ZNF398: variants seen among roughly 807,000 people sequenced by gnomAD.
The protein encoded by ZNF398 is zinc finger protein 398, also known as zinc finger DNA binding protein ZER6.
In ZNF398, 18 loss-of-function variants were observed where a neutral mutation model predicts 41.9. The observed-to-expected ratio is 0.43, with a 90% CI of 0.30 to 0.64. ZNF398 has a LOEUF of 0.64. Among genes scored for constraint, ZNF398 ranks in the 30% least tolerant of loss-of-function variants. The pLI is 0.14. For missense variants in ZNF398, 669 were observed against 822.8 expected (o/e 0.81, Z 2.29); for synonymous variants, 260 against 308.8 (o/e 0.84, Z 1.66).
intron 2 of ZNF398, among the ~76,000 whole-genome samples, chr7:149,135,389 C>CAA (rs777888671): frequency 2.6e-3 from 156 of 61,002 alleles, no homozygotes; most frequent in Non-Finnish European, 3.3e-3. Flanking sequence ...GACTCTGTCT[C>CAA]AAAAAAAAAA....
rs541887403 is a variant in ZNF398, at chr7:149,168,499, A to G, written c.661+1569A>G. Among the ~76,000 whole-genome samples the G allele has an allele frequency of 2.0e-5, 3 of 152,260 alleles. No homozygotes were observed. The South Asian group carries it at 6.2e-4, about 32-fold the overall frequency. On this transcript the variant is annotated intron_variant, in intron 4 of 5. Transcript: ENST00000475153. ...TATTTGTTTTTTTCTTTTCAGGTAA[A>G]TTTTACATATAATGAAATTTCAAGT...
At chr7:149,176,226 C>A (rs903028041) in intron 4 of ZNF398, among the ~76,000 whole-genome samples, 1 of 151,892 alleles carries the variant, frequency 6.6e-6, no homozygotes, top group African/African-American at 2.4e-5. Flanking sequence ...GCCTGTAGTC[C>A]CAGCTACTCG....
chr7:149,135,529 G>C (rs1481255403), intron 2 of ZNF398, among the ~76,000 whole-genome samples: 3 of 151,948 alleles, frequency 2.0e-5, no homozygotes, highest in African/African-American at 7.2e-5. Flanking sequence ...GCAGGGGTGA[G>C]GGATAGAAGA....
intron 1 of ZNF398, among the ~76,000 whole-genome samples, chr7:149,150,674 G>T (rs1827087523): frequency 6.6e-6 from 1 of 152,026 alleles, no homozygotes. Context: ...ACTTTGACAA[G>T]ATCTCCAGGT....
chr7:149,151,137 T>C (rs1227676338), intron 1 of ZNF398: 6 of 818,072 alleles, frequency 7.3e-6, no homozygotes, highest in Non-Finnish European at 9.3e-6. Flanking sequence ...CAAGTCAGTG[T>C]TGAGATCCCC....
At position 149,147,829 on chromosome 7, in the gene ZNF398, G is replaced by A; in HGVS notation, c.24+63G>A. On this transcript the variant is annotated intron_variant, in intron 1 of 5. Transcript: ENST00000475153. This position sits in a 1 kb window ranked among gnomAD's most constrained non-coding sequence, Gnocchi z 5.6. ...GACCCAGACCCCGAGGGAGGAAGGC[G>A]GGCGGGCAGGGAGCTGCCAGGCATA... 2.3e-6 allele frequency: 3 copies of A among 1,319,056 alleles called. No homozygotes were observed. Among genetic ancestry groups the A allele is most frequent in the Non-Finnish European group, 2.9e-6 (3 of 1,030,176 alleles). The allele number at this position is 1,319,056 out of a possible 1,614,324, so 81.7% of individuals were successfully genotyped here.
chr7:149,165,244 A>G (rs1162211379), intron 2 of ZNF398, among the ~76,000 whole-genome samples: 1 of 152,232 alleles, frequency 6.6e-6, no homozygotes, highest in African/African-American at 2.4e-5. Context: ...GAGACATTAA[A>G]ACAGGAATGC....
chr7:149,160,919 TGA>T (rs1269767618), intron 2 of ZNF398, among the ~76,000 whole-genome samples: 1 of 151,880 alleles, frequency 6.6e-6, no homozygotes, highest in Non-Finnish European at 1.5e-5. Context: ...ATTTTTAGAC[TGA>T]GGGGGCTAGA....
chr7:149,178,283 C>T (rs1162605339), intron 5 of ZNF398, among the ~76,000 whole-genome samples: 1 of 146,808 alleles, frequency 6.8e-6, no homozygotes, highest in Non-Finnish European at 1.5e-5. Flanking sequence ...CAGAGCGAGA[C>T]TCCGTCTCAA....
At chr7:149,171,286 CTT>C (rs1340504552) in intron 4 of ZNF398, among the ~76,000 whole-genome samples, 1 of 151,808 alleles carries the variant, frequency 6.6e-6, no homozygotes. Context: ...TGTAATAACA[CTT>C]AGTGTAAAAC....
At position 149,179,464 on chromosome 7, in the gene ZNF398, G is replaced by A. The variant is rs781631013; in HGVS notation, c.1592G>A (p.Arg531Gln). The change falls in exon 6 of 6, where the codon CGG becomes CAG. Residue 531 changes from arginine (R) to glutamine (Q), a missense_variant. Arg to Gln is a conservative substitution (Grantham distance 43). Transcript: ENST00000475153. The surrounding 1 kb of genome is among the most constrained non-coding windows in gnomAD (Gnocchi z 6.1). ...AAGGAGCACCTGCTGAACCACCGGC[G>A]GCTGCACACAGGCGAGCGGCCCTTC... ...MRKEHLLNHR[R>Q]LHTGERPFSC... 3.1e-6 allele frequency: 5 copies of A among 1,614,086 alleles called. No homozygotes were observed. The highest frequency in any genetic ancestry group is 4.2e-6 in the Non-Finnish European group (5 of 1,180,040).
At position 149,166,140 on chromosome 7, in the gene ZNF398, A is replaced by T. The variant is rs1795221292; in HGVS notation, c.421-18A>T. On this transcript the variant is annotated intron_variant, in intron 2 of 5. Coordinates refer to ENST00000475153, the MANE Select transcript of ZNF398 (RefSeq NM_170686.3). Reference sequence around the variant, plus strand: ...GAATTATAATGGAAGGGACTAACCCATGTGATTGTAATTTTAGGTGCCTGT... The same window carrying T: ...GAATTATAATGGAAGGGACTAACCCTTGTGATTGTAATTTTAGGTGCCTGT... 2 of 1,612,632 alleles carry T rather than the reference A, an allele frequency of 1.2e-6. No homozygotes were observed. The highest frequency in any genetic ancestry group is 1.7e-6 in the Non-Finnish European group (2 of 1,179,288).
At chr7:149,137,049 C>T (rs143767263) in intron 2 of ZNF398, among the ~76,000 whole-genome samples, 115 of 151,762 alleles carry the variant, frequency 7.6e-4, no homozygotes, top group African/African-American at 2.5e-3. Flanking sequence ...GTATTTTTAG[C>T]AGAGACGGGG....
chr7:149,126,445 C>T, exon 1 of ZNF398: 1 of 697,498 alleles, frequency 1.4e-6, no homozygotes, highest in Non-Finnish European at 2.2e-6. Context: ...CCCGGGCACC[C>T]TCCGTGCGGG....
At position 149,179,729 on chromosome 7, in the gene ZNF398, C is replaced by T. The variant is rs1795551494; in HGVS notation, c.1857C>T (p.Gly619=). Residue 619 remains glycine, a synonymous_variant, in exon 6 of 6, where the codon GGC becomes GGT. Transcript: ENST00000475153. The surrounding 1 kb of genome is among the most constrained non-coding windows in gnomAD (Gnocchi z 6.1). ...GPLITGLETS[G]LGVNTEGLET... ...TCATAACTGGGCTTGAAACTTCTGG[C>T]CTGGGTGTCAACACTGAAGGTCTAG... 2 of 1,613,650 alleles carry T rather than the reference C, an allele frequency of 1.2e-6. No homozygotes were observed. Among genetic ancestry groups the T allele is most frequent in the Non-Finnish European group, 8.5e-7 (1 of 1,179,728 alleles).
At chr7:149,163,514 A>C (rs1193309058) in intron 2 of ZNF398, among the ~76,000 whole-genome samples, 1 of 152,054 alleles carries the variant, frequency 6.6e-6, no homozygotes, top group Non-Finnish European at 1.5e-5. Context: ...TTGGGACTAC[A>C]GGCCTGTGCC....
chr7:149,152,106 C>T lies in ZNF398; in HGVS notation c.25-1839C>T, dbSNP rs1167623664. On this transcript the variant is annotated intron_variant, in intron 1 of 5. Transcript: ENST00000475153. ...GCACGCTCCTGTAGTCCCAGCTACTCGGGAGACTGAGGCAGGAGAATCGCT... is the reference window on the plus strand; with the variant it reads ...GCACGCTCCTGTAGTCCCAGCTACTTGGGAGACTGAGGCAGGAGAATCGCT... Among the ~76,000 whole-genome samples the T allele has an allele frequency of 4.6e-5, 7 of 151,610 alleles. No homozygotes were observed. In the East Asian group the frequency reaches 7.8e-4, roughly 17 times the overall value.
At position 149,138,968 on chromosome 7, in the gene ZNF398, G is replaced by T. The variant is rs149858316; in HGVS notation, c.-490+10024G>T. Among the ~76,000 whole-genome samples the T allele has an allele frequency of 3.0e-3, 441 of 147,816 alleles. 1 individual carries two copies. Among genetic ancestry groups the T allele is most frequent in the African/African-American group, 0.01 (410 of 40,030 alleles). On this transcript the variant is annotated intron_variant, in intron 2 of 6. Transcript: ENST00000426851. ...TGTTCTGTCACCAGGCTGGAGTACA[G>T]TGACGCATCTTGACTCACTGCAACC...
In ZNF398 at chr7:149,179,528, C is replaced by T; in HGVS notation, c.1656C>T (p.His552=). The T allele has an allele frequency of 6.2e-7, 1 of 1,614,190 alleles. No individual in the cohort carries two copies. Among genetic ancestry groups the T allele is most frequent in the Non-Finnish European group, 8.5e-7 (1 of 1,180,034 alleles). ...PHCGKSFIRK[H]HLMKHQRIHT... is the part of the protein sequence containing the mutation. ...GTGGCAAGAGCTTCATCCGCAAGCACCACCTAATGAAACACCAGCGCATCC... is the reference window on the plus strand; with the variant it reads ...GTGGCAAGAGCTTCATCCGCAAGCATCACCTAATGAAACACCAGCGCATCC... Residue 552 remains histidine, a synonymous_variant, in exon 6 of 6, where the codon CAC becomes CAT. Coordinates refer to ENST00000475153, the MANE Select transcript of ZNF398 (RefSeq NM_170686.3). The surrounding 1 kb of genome is among the most constrained non-coding windows in gnomAD (Gnocchi z 6.1).
Sources: allele counts gnomAD v4.1 joint callset (sites outside exome capture counted in the v4.1 genomes callset), GRCh38; gene constraint gnomAD v4.1.1; non-coding constraint Gnocchi (gnomAD v3.1); transcripts MANE v1.5; gene names NCBI Gene and HGNC (gene_info 2026-07-23, HGNC 2026-07-21).